The following PCDH9 variants were observed in gnomAD, a reference collection of about 807,000 sequenced individuals.
PCDH9 encodes protocadherin-9.
A neutral mutation model predicts 70.6 loss-of-function variants in PCDH9; 24 were observed. That is an observed-to-expected ratio of 0.34 (90% CI 0.25 to 0.48). The LOEUF (loss-of-function observed/expected upper bound fraction) is 0.48. Ranked by LOEUF, PCDH9 falls within the 20% of genes least tolerant of loss-of-function variation. The pLI is 0.99. For synonymous variants in PCDH9, 562 were observed against 558.5 expected, an observed-to-expected ratio of 1.01 and a Z score of -0.09; for missense variants, 1,281 against 1,503.6, an observed-to-expected ratio of 0.85 and a Z score of 2.45.
chr13:66,932,659 C>CATATATATACATATATATAT (rs1555287814), intron 2 of PCDH9, among the ~76,000 whole-genome samples: 6 of 130,360 alleles, frequency 4.6e-5, no homozygotes, highest in African/African-American at 1.6e-4. Context: ...TAAATCCTCA[C>CATATATATACATATATATAT]ATATATATAT....
chr13:67,012,241 T>C (rs913202611), intron 2 of PCDH9, among the ~76,000 whole-genome samples: 1 of 151,764 alleles, frequency 6.6e-6, no homozygotes. Context: ...TATTAAACTA[T>C]TAGAAATTCA....
chr13:66,336,315 T>C (rs2138132584), intron 4 of PCDH9, among the ~76,000 whole-genome samples: 1 of 152,080 alleles, frequency 6.6e-6, no homozygotes, highest in East Asian at 1.9e-4. Flanking sequence ...AGAATACATG[T>C]TTGGATGGTC....
In PCDH9 at chr13:67,189,096, C is replaced by A. The variant is rs1488345858; in HGVS notation, c.3036+36309G>T. ...TAGAATAATAGTCTCCAATCCCATC[C>A]AGGTTGCTGAGAATGCCGTTAATTC... On this transcript the variant is annotated intron_variant, in intron 2 of 4. Transcript: ENST00000377865. Among the ~76,000 whole-genome samples the A allele has an allele frequency of 3.9e-5, 6 of 152,002 alleles. No individual in the cohort carries two copies. The East Asian group carries it at 1.2e-3, about 30-fold the overall frequency.
intron 2 of PCDH9, among the ~76,000 whole-genome samples, chr13:67,186,936 A>G (rs2088774880): frequency 6.6e-6 from 1 of 152,222 alleles, no homozygotes; most frequent in Non-Finnish European, 1.5e-5. Context: ...ACCATTTTCA[A>G]TGAGTCTTTA....
intron 4 of PCDH9, among the ~76,000 whole-genome samples, chr13:66,414,702 G>C (rs1049056400): frequency 1.3e-5 from 2 of 152,120 alleles, no homozygotes; most frequent in Non-Finnish European, 2.9e-5. Flanking sequence ...GATAAGACTT[G>C]CTCATGTGAT....
At chr13:66,813,336 T>A (rs2139365486) in intron 3 of PCDH9, among the ~76,000 whole-genome samples, 1 of 152,256 alleles carries the variant, frequency 6.6e-6, no homozygotes, top group Non-Finnish European at 1.5e-5. Context: ...TCCTACTATT[T>A]AACCAAAATA....
intron 2 of PCDH9, among the ~76,000 whole-genome samples, chr13:67,090,710 T>C (rs185657392): frequency 2.0e-5 from 3 of 151,670 alleles, no homozygotes; most frequent in Middle Eastern, 3.4e-3. Context: ...TATCAGAAAA[T>C]ACGAAAAAAA....
At chr13:66,713,630 T>TATATATATATAA (rs1263455491) in intron 3 of PCDH9, among the ~76,000 whole-genome samples, 1 of 65,424 alleles carries the variant, frequency 1.5e-5, no homozygotes, top group Non-Finnish European at 3.8e-5. Context: ...TGTGTGTATA[T>TATATATATATAA]ATATATATAT....
chr13:66,727,675 C>T (rs2079023352), intron 3 of PCDH9, among the ~76,000 whole-genome samples: 1 of 152,086 alleles, frequency 6.6e-6, no homozygotes, highest in Admixed American at 6.6e-5. Context: ...CAGAGGCACA[C>T]ATATGATAAG....
chr13:66,512,942 A>G (rs904962627), intron 4 of PCDH9, among the ~76,000 whole-genome samples: 1 of 151,630 alleles, frequency 6.6e-6, no homozygotes, highest in Non-Finnish European at 1.5e-5. Flanking sequence ...GATCCTCCCA[A>G]CTCAGCCTCC....
chr13:66,788,072 G>T (rs181614738), intron 3 of PCDH9, among the ~76,000 whole-genome samples: 1 of 152,216 alleles, frequency 6.6e-6, no homozygotes, highest in African/African-American at 2.4e-5. Context: ...CATCCACTTT[G>T]TGTTGCTAGA....
At chr13:66,426,498 GTT>G (rs1401110212) in intron 4 of PCDH9, among the ~76,000 whole-genome samples, 1 of 146,348 alleles carries the variant, frequency 6.8e-6, no homozygotes, top group African/African-American at 2.4e-5. Flanking sequence ...ATTAAGCTTC[GTT>G]TGATTCTATT....
intron 3 of PCDH9, among the ~76,000 whole-genome samples, chr13:66,831,523 C>T (rs1000557595): frequency 6.6e-6 from 1 of 151,896 alleles, no homozygotes; most frequent in African/African-American, 2.4e-5. Flanking sequence ...AAGATGACAC[C>T]GACACAAACA....
intron 2 of PCDH9, chr13:67,206,089 C>T (rs188014075): frequency 6.6e-6 from 1 of 152,268 alleles, no homozygotes; most frequent in Admixed American, 6.5e-5. Context: ...GATCCATCCG[C>T]CTCGGCCTCA....
At chr13:66,481,301 TAAAAAAA>T (rs35064904) in intron 4 of PCDH9, among the ~76,000 whole-genome samples, 1 of 138,750 alleles carries the variant, frequency 7.2e-6, no homozygotes, top group Non-Finnish European at 1.6e-5. Context: ...CTTAAAGTAT[TAAAAAAA>T]AAAAAAAAGA....
intron 3 of PCDH9, among the ~76,000 whole-genome samples, chr13:66,661,325 T>C (rs1332602227): frequency 1.3e-5 from 2 of 152,242 alleles, no homozygotes; most frequent in Non-Finnish European, 2.9e-5. Context: ...TCCTTCATTT[T>C]GATCTTTGCT....
chr13:66,980,864 T>C lies in PCDH9; in HGVS notation c.3037-77259A>G, dbSNP rs566430273. Among the ~76,000 whole-genome samples, 712 of 151,754 alleles carry C rather than the reference T, an allele frequency of 4.7e-3. 8 individuals are homozygous for C. Among genetic ancestry groups the C allele is most frequent in the African/African-American group, 0.016 (679 of 41,434 alleles). Reference sequence around the variant, plus strand: ...AAACCTTTTAAGTAGTAAAGACCATTAGTGTGAACGTTTGTATAAATCTAC... The same window carrying C: ...AAACCTTTTAAGTAGTAAAGACCATCAGTGTGAACGTTTGTATAAATCTAC... On this transcript the variant is annotated intron_variant, in intron 2 of 4. Transcript: ENST00000377865.
At chr13:66,807,080 T>C (rs1428076210) in intron 3 of PCDH9, among the ~76,000 whole-genome samples, 1 of 152,242 alleles carries the variant, frequency 6.6e-6, no homozygotes, top group Non-Finnish European at 1.5e-5. Flanking sequence ...TCATTCATAA[T>C]TGAATGCCAG....
At chr13:66,715,028 A>G (rs2078850898) in intron 3 of PCDH9, among the ~76,000 whole-genome samples, 1 of 152,206 alleles carries the variant, frequency 6.6e-6, no homozygotes, top group East Asian at 1.9e-4. Context: ...AAATGTTAAG[A>G]GTCTTATAGG....
Sources: gnomAD v4.1 joint callset for allele counts (sites outside exome capture counted in the v4.1 genomes callset) on GRCh38, gnomAD v4.1.1 for gene constraint, MANE v1.5 for transcripts, NCBI Gene and HGNC (gene_info 2026-07-23, HGNC 2026-07-21) for gene names.